INVS: variants seen among roughly 807,000 people sequenced by gnomAD.
The protein encoded by INVS is inversin.
INVS carries 86 observed loss-of-function variants against 108.8 expected under a neutral mutation model. The ratio of observed to expected loss-of-function variants is 0.79; its 90% CI spans 0.66 to 0.95. The LOEUF is 0.95. Ranked by LOEUF, INVS falls within the 40% of genes least tolerant of loss-of-function variation. The pLI is 0.00. For synonymous variants in INVS, 455 were observed against 473.5 expected (o/e 0.96, Z 0.51); for missense variants, 1,169 against 1,297.4 (o/e 0.90, Z 1.52).
Position 100,189,440 on chromosome 9 carries a change from T to C in INVS, c.274-36622T>C, listed in dbSNP as rs140185584. 4.7e-4 allele frequency among the ~76,000 whole-genome samples: 72 copies of C among 152,202 alleles called. No homozygotes were observed. The East Asian group carries it at 0.012, about 26-fold the overall frequency. The stretch of plus-strand genomic sequence containing the variant: ...GGAGGCTTTAATAACTGTGTCACTA[T>C]TATTCATTTCAAAGAATTTTTTAAT... On this transcript the variant is annotated intron_variant, in intron 3 of 16. Transcript: ENST00000262457.
At chr9:100,273,143 G>T (rs1217526204) in intron 12 of INVS, 67 bp downstream of exon 12, 4 of 1,221,274 alleles carry the variant, frequency 3.3e-6, no homozygotes, top group Admixed American at 3.4e-5. Context: ...GGGTGTGGGG[G>T]GTGCTGGGGT....
intron 2 of INVS, among the ~76,000 whole-genome samples, chr9:100,113,662 T>G (rs1285359118): frequency 6.6e-6 from 1 of 152,150 alleles, no homozygotes; most frequent in Non-Finnish European, 1.5e-5. Flanking sequence ...AATACATGTA[T>G]AGATTGTGTA....
At chr9:100,182,427 C>A (rs748517505) in intron 3 of INVS, among the ~76,000 whole-genome samples, 22 of 151,994 alleles carry the variant, frequency 1.4e-4, no homozygotes, top group Non-Finnish European at 2.9e-4. Flanking sequence ...AAAAAACAAC[C>A]CCATCAAAAA....
At chr9:100,182,205 G>C (rs955213998) in intron 3 of INVS, among the ~76,000 whole-genome samples, 2 of 152,124 alleles carry the variant, frequency 1.3e-5, no homozygotes, top group South Asian at 4.2e-4. Context: ...AGAGGCATGG[G>C]CAAAGATTTC....
intron 3 of INVS, among the ~76,000 whole-genome samples, chr9:100,206,831 T>C (rs939254910): frequency 6.6e-6 from 1 of 152,200 alleles, no homozygotes; most frequent in Admixed American, 6.5e-5. Flanking sequence ...CTTTTGTGTA[T>C]GTATGTGTGT....
chr9:100,190,482 T>C (rs961832370), intron 3 of INVS, among the ~76,000 whole-genome samples: 2 of 152,238 alleles, frequency 1.3e-5, no homozygotes, highest in African/African-American at 4.8e-5. Context: ...TTTCAAGATG[T>C]TCTATTCTGG....
At chr9:100,175,198 T>C (rs1282915532) in intron 3 of INVS, 2 of 532,512 alleles carry the variant, frequency 3.8e-6, no homozygotes, top group Non-Finnish European at 6.9e-6. Flanking sequence ...ATCCAGCTTG[T>C]CCCCAAAACC....
At chr9:100,262,960 G>A (rs13296977) in intron 10 of INVS, among the ~76,000 whole-genome samples, 1,656 of 152,022 alleles carry the variant, frequency 0.011, 16 homozygotes, top group African/African-American at 0.016. Flanking sequence ...TGTTGCCCAC[G>A]GCTGTTCTTG....
At chr9:100,113,594 T>A (rs769758680) in intron 2 of INVS, among the ~76,000 whole-genome samples, 7 of 151,658 alleles carry the variant, frequency 4.6e-5, no homozygotes, top group African/African-American at 1.5e-4. Context: ...TTGTTTGTTT[T>A]AGTTTTAATT....
chr9:100,198,256 G>A (rs2118209844), intron 3 of INVS, among the ~76,000 whole-genome samples: 1 of 125,642 alleles, frequency 8.0e-6, no homozygotes, highest in South Asian at 2.9e-4. Flanking sequence ...TGAAGATTGA[G>A]GGCTAGAATT....
intron 3 of INVS, among the ~76,000 whole-genome samples, chr9:100,148,454 G>A (rs1216235776): frequency 6.6e-6 from 1 of 152,098 alleles, no homozygotes; most frequent in Non-Finnish European, 1.5e-5. Context: ...AGCAAGACTG[G>A]GAAATGGCAG....
intron 2 of INVS, among the ~76,000 whole-genome samples, chr9:100,113,558 T>G (rs1185444407): frequency 2.0e-5 from 3 of 151,912 alleles, no homozygotes; most frequent in South Asian, 2.1e-4. Context: ...CTGGTGTCTT[T>G]TTTGTTTGTT....
intron 3 of INVS, among the ~76,000 whole-genome samples, chr9:100,141,372 A>G (rs1275934227): frequency 2.6e-5 from 4 of 152,160 alleles, no homozygotes; most frequent in Non-Finnish European, 4.4e-5. Context: ...CCGTTAGTCC[A>G]TTCTACCTTT....
intron 4 of INVS, among the ~76,000 whole-genome samples, chr9:100,228,041 C>T (rs1209941601): frequency 7.1e-6 from 1 of 141,656 alleles, no homozygotes; most frequent in Non-Finnish European, 1.5e-5. Flanking sequence ...CCCAGGCTGG[C>T]GTGCAGTGGT....
At chr9:100,128,879 C>T (rs1483294439) in intron 3 of INVS, among the ~76,000 whole-genome samples, 1 of 152,116 alleles carries the variant, frequency 6.6e-6, no homozygotes, top group Non-Finnish European at 1.5e-5. Context: ...TGATGGAATG[C>T]TTAAAGATAT....
At chr9:100,295,212 A>G (rs1232579641) in intron 14 of INVS, among the ~76,000 whole-genome samples, 1 of 152,224 alleles carries the variant, frequency 6.6e-6, no homozygotes, top group Non-Finnish European at 1.5e-5. Context: ...TTGAAGAGTC[A>G]GAAGCTGACA....
intron 3 of INVS, among the ~76,000 whole-genome samples, chr9:100,187,356 A>G (rs962468855): frequency 2.0e-5 from 3 of 151,850 alleles, no homozygotes; most frequent in African/African-American, 7.3e-5. Context: ...TTGGTTCTAT[A>G]TGAATTTTAG....
chr9:100,233,054 T>G (rs1007822099), intron 5 of INVS, among the ~76,000 whole-genome samples: 12 of 152,168 alleles, frequency 7.9e-5, no homozygotes, highest in Non-Finnish European at 2.9e-5. Flanking sequence ...ATAGTTCTCC[T>G]TCAGGGAACT....
chr9:100,284,174 TG>T, intron 12 of INVS, 145 bp from the exon 13 acceptor site: 1 of 917,356 alleles, frequency 1.1e-6, no homozygotes, highest in South Asian at 1.6e-5. Context: ...TTATTTTATC[TG>T]GAGAAAAGAC....
Sources: allele counts gnomAD v4.1 joint callset (sites outside exome capture counted in the v4.1 genomes callset), GRCh38; gene constraint gnomAD v4.1.1; transcripts MANE v1.5; gene names NCBI Gene and HGNC (gene_info 2026-07-23, HGNC 2026-07-21).